ATP2B2: variants seen among roughly 807,000 people sequenced by gnomAD.
The protein encoded by ATP2B2 is plasma membrane calcium-transporting ATPase 2.
A neutral mutation model predicts 120.0 loss-of-function variants in ATP2B2; 15 were observed. That is an observed-to-expected ratio of 0.12 (90% CI 0.08 to 0.19). ATP2B2 has a LOEUF of 0.19. Ranked by LOEUF, ATP2B2 falls within the 10% of genes least tolerant of loss-of-function variation. The pLI is 1.00. For synonymous variants in ATP2B2, 694 were observed against 700.3 expected (o/e 0.99, Z 0.14); for missense variants, 1,045 against 1,719.8 (o/e 0.61, Z 6.94).
chr3:10,588,436 T>A (rs1166485147), intron 2 of ATP2B2, among the ~76,000 whole-genome samples: 2 of 152,172 alleles, frequency 1.3e-5, no homozygotes, highest in Non-Finnish European at 2.9e-5. Flanking sequence ...CCCTTCCACA[T>A]CCCTAGATGC....
chr3:10,653,136 A>C (rs1392186704), intron 1 of ATP2B2, among the ~76,000 whole-genome samples: 1 of 152,212 alleles, frequency 6.6e-6, no homozygotes, highest in African/African-American at 2.4e-5. Context: ...AAGTGAAAAA[A>C]TAAATTTAAA....
chr3:10,336,013 C>A (rs766886686), intron 22 of ATP2B2: 22 of 1,264,846 alleles, frequency 1.7e-5, no homozygotes, highest in Non-Finnish European at 2.4e-5. Context: ...GACCCTTCAT[C>A]CCCCTGGGCC....
intron 3 of ATP2B2, among the ~76,000 whole-genome samples, chr3:10,526,676 A>G (rs1575460275): frequency 6.6e-6 from 1 of 152,154 alleles, no homozygotes; most frequent in South Asian, 2.1e-4. Context: ...GCGGATGGCC[A>G]AGAAGGACCC....
chr3:10,349,281 T>C (rs1007385747), intron 16 of ATP2B2, among the ~76,000 whole-genome samples: 5 of 152,110 alleles, frequency 3.3e-5, no homozygotes, highest in Admixed American at 3.3e-4. Flanking sequence ...AGTGAGACCC[T>C]GTCTCTATAA....
At chr3:10,605,389 C>A (rs1378162514) in intron 2 of ATP2B2, among the ~76,000 whole-genome samples, 1 of 152,182 alleles carries the variant, frequency 6.6e-6, no homozygotes, top group Non-Finnish European at 1.5e-5. Flanking sequence ...GATTCCAAAG[C>A]TGGCCTGTTC....
At chr3:10,544,852 A>G (rs928768446) in intron 2 of ATP2B2, among the ~76,000 whole-genome samples, 3 of 151,932 alleles carry the variant, frequency 2.0e-5, no homozygotes, top group Non-Finnish European at 4.4e-5. Flanking sequence ...TATTTGCTCA[A>G]CTCTTGTTTC....
At chr3:10,676,525 C>A (rs752675692) in intron 1 of ATP2B2, among the ~76,000 whole-genome samples, 1 of 125,334 alleles carries the variant, frequency 8.0e-6, no homozygotes, top group African/African-American at 3.2e-5. Context: ...GGGACAGAAC[C>A]ACACACACAC....
chr3:10,377,329 G>A (rs2061409561), intron 10 of ATP2B2, among the ~76,000 whole-genome samples: 1 of 151,834 alleles, frequency 6.6e-6, no homozygotes, highest in Non-Finnish European at 1.5e-5. Flanking sequence ...CGGAGGGGCT[G>A]GAAGCCAAGC....
At chr3:10,672,725 G>T (rs1378189701) in intron 1 of ATP2B2, among the ~76,000 whole-genome samples, 2 of 152,318 alleles carry the variant, frequency 1.3e-5, no homozygotes, top group East Asian at 1.9e-4. Context: ...GTCACTAACA[G>T]ATTTATAGAA....
Position 10,629,440 on chromosome 3 carries a change from T to G in ATP2B2, c.-459-9479A>C, listed in dbSNP as rs571668888. The stretch of plus-strand genomic sequence containing the variant: ...ATGGACTCCACAAAGAAGGAGGATG[T>G]GTTGATCATTCATTTGTTGATAGGG... On this transcript the variant is annotated intron_variant, in intron 1 of 21. Coordinates refer to the ATP2B2 transcript ENST00000646379. Among the ~76,000 whole-genome samples the G allele has an allele frequency of 1.6e-3, 240 of 152,340 alleles. 1 individual carries two copies. The highest frequency in any genetic ancestry group is 2.7e-3 in the Non-Finnish European group (186 of 68,032).
At chr3:10,383,793 C>T (rs76501213) in intron 8 of ATP2B2, among the ~76,000 whole-genome samples, 3,145 of 152,290 alleles carry the variant, frequency 0.021, 51 homozygotes, top group Middle Eastern at 0.071. Context: ...TGAACGTTTC[C>T]TACAGTTTCT....
chr3:10,521,383 A>C (rs989551866), intron 3 of ATP2B2, among the ~76,000 whole-genome samples: 1 of 152,262 alleles, frequency 6.6e-6, no homozygotes, highest in Non-Finnish European at 1.5e-5. Context: ...AGGACCAGAA[A>C]ATCCTTCATT....
rs75917848 is a variant in ATP2B2 at position 10,477,678 on chromosome 3, T to C, written c.-320+27787A>G. On this transcript the variant is annotated intron_variant, in intron 1 of 22. Coordinates refer to ENST00000360273, the MANE Select transcript of ATP2B2 (RefSeq NM_001001331.4). ...TCCCTTTATGGCTGGCTTATTTCAC[T>C]TAGCATCTCAAGTTTCATCCATGTT... Among the ~76,000 whole-genome samples the C allele has an allele frequency of 3.7e-4, 56 of 152,366 alleles. 1 individual carries two copies. In the East Asian group the frequency reaches 0.01, roughly 27 times the overall value.
At chr3:10,546,489 C>T (rs1013294566) in intron 2 of ATP2B2, among the ~76,000 whole-genome samples, 1 of 152,212 alleles carries the variant, frequency 6.6e-6, no homozygotes, top group African/African-American at 2.4e-5. Flanking sequence ...TTGCCTGGTC[C>T]CGCCCCAGCT....
rs754134832 is a variant in ATP2B2 at position 10,375,505 on chromosome 3, G to A, written c.1341C>T (p.Gly447=). Residue 447 remains glycine (G), a synonymous_variant, in exon 11 of 23, where the codon GGC becomes GGT. Coordinates refer to ENST00000360273, the MANE Select transcript of ATP2B2 (RefSeq NM_001001331.4). This position sits in a 1 kb window ranked among gnomAD's most constrained non-coding sequence, Gnocchi z 4.2. ...GCACGGCGACCACCAGCACCGTCAC[G>A]CCAATGATGAAGAACTTGACAAAGT... ...VQYFVKFFII[G]VTVLVVAVPE... The A allele has an allele frequency of 1.1e-5, 17 of 1,613,680 alleles. No homozygotes were observed. Among genetic ancestry groups the A allele is most frequent in the Admixed American group, 5.0e-5 (3 of 60,020 alleles).
At chr3:10,532,395 T>A (rs2067229689) in intron 3 of ATP2B2, among the ~76,000 whole-genome samples, 1 of 152,200 alleles carries the variant, frequency 6.6e-6, no homozygotes, top group African/African-American at 2.4e-5. Context: ...TGTTATTATA[T>A]AACAAAACAG....
intron 2 of ATP2B2, among the ~76,000 whole-genome samples, chr3:10,425,820 C>A (rs1313689376): frequency 6.6e-6 from 1 of 152,234 alleles, no homozygotes; most frequent in Non-Finnish European, 1.5e-5. Context: ...GCCTGTCTCC[C>A]TGTTCCCACC....
chr3:10,359,432 G>A (rs184715717), intron 13 of ATP2B2, among the ~76,000 whole-genome samples: 53 of 152,202 alleles, frequency 3.5e-4, no homozygotes, highest in Admixed American at 2.5e-3. Context: ...GGGAAACTGA[G>A]GCCAGAGAGG....
At chr3:10,476,435 C>A (rs1047308088) in intron 1 of ATP2B2, among the ~76,000 whole-genome samples, 36 of 152,186 alleles carry the variant, frequency 2.4e-4, no homozygotes, top group Non-Finnish European at 7.3e-5. Flanking sequence ...GAAATAGCAC[C>A]AAGATGGCAG....
Sources: allele counts gnomAD v4.1 joint callset (sites outside exome capture counted in the v4.1 genomes callset), GRCh38; gene constraint gnomAD v4.1.1; non-coding constraint Gnocchi (gnomAD v3.1); transcripts MANE v1.5; gene names NCBI Gene and HGNC (gene_info 2026-07-23, HGNC 2026-07-21).